The following PDE4D variants were observed in gnomAD, a reference collection of about 807,000 sequenced individuals.
The protein encoded by PDE4D is phosphodiesterase 4D.
PDE4D carries 24 observed loss-of-function variants against 87.4 expected under a neutral mutation model. The observed-to-expected ratio is 0.27, with a 90% confidence interval of 0.20 to 0.39. PDE4D has a LOEUF of 0.39. PDE4D is among the 10% of genes least tolerant of loss of function. PDE4D has a pLI of 1.00. For missense variants in PDE4D, 714 were observed against 1,041.0 expected, an observed-to-expected ratio of 0.69 and a Z score of 4.32; for synonymous variants, 384 against 383.2, an observed-to-expected ratio of 1.00 and a Z score of -0.02.
chr5:59,976,160 T>C (rs1217646891), intron 3 of PDE4D, among the ~76,000 whole-genome samples: 1 of 152,186 alleles, frequency 6.6e-6, no homozygotes, highest in Non-Finnish European at 1.5e-5. Flanking sequence ...GACTAATGCA[T>C]GATTGAGGGG....
At chr5:60,042,857 G>C (rs1768684908) in intron 2 of PDE4D, among the ~76,000 whole-genome samples, 1 of 152,116 alleles carries the variant, frequency 6.6e-6, no homozygotes, top group South Asian at 2.1e-4. Flanking sequence ...AGTGCAAAAA[G>C]TCTTAAAATT....
intron 3 of PDE4D, among the ~76,000 whole-genome samples, chr5:59,946,377 G>A (rs16890385): frequency 0.018 from 2,729 of 152,272 alleles, 82 homozygotes; most frequent in African/African-American, 0.063. Flanking sequence ...AATTATTACA[G>A]GGAGGTCGGG....
chr5:59,049,076 C>A (rs1301788678), intron 5 of PDE4D, among the ~76,000 whole-genome samples: 4 of 152,196 alleles, frequency 2.6e-5, no homozygotes, highest in Non-Finnish European at 4.4e-5. Context: ...CAATACCTTT[C>A]CCTTTTATTT....
intron 5 of PDE4D, among the ~76,000 whole-genome samples, chr5:59,141,295 A>G (rs549323150): frequency 6.6e-6 from 1 of 152,350 alleles, no homozygotes; most frequent in African/African-American, 2.4e-5. Context: ...AATTAGTTGT[A>G]CTAAGAGTTT....
chr5:59,575,824 G>GA (rs1366658351), intron 1 of PDE4D, among the ~76,000 whole-genome samples: 1 of 152,150 alleles, frequency 6.6e-6, no homozygotes, highest in Non-Finnish European at 1.5e-5. Flanking sequence ...GTCATAAACA[G>GA]AAAATCCATC....
At chr5:59,960,418 G>A in intron 3 of PDE4D, among the ~76,000 whole-genome samples, 1 of 152,080 alleles carries the variant, frequency 6.6e-6, no homozygotes, top group East Asian at 1.9e-4. Context: ...GTTTATCACA[G>A]CACTATTTAC....
chr5:59,706,807 A>C (rs2150485840), intron 1 of PDE4D, among the ~76,000 whole-genome samples: 1 of 152,336 alleles, frequency 6.6e-6, no homozygotes, highest in South Asian at 2.1e-4. Flanking sequence ...CCTTATGCAC[A>C]CATATATACA....
At chr5:59,224,224 G>A (rs255579) in intron 1 of PDE4D, among the ~76,000 whole-genome samples, 18,101 of 150,796 alleles carry the variant, frequency 0.12, 1,173 homozygotes, top group South Asian at 0.14. Context: ...TGAGGCTTCA[G>A]TGAGTCTAAA....
At chr5:59,692,206 A>T (rs1247523309) in intron 1 of PDE4D, among the ~76,000 whole-genome samples, 1 of 152,148 alleles carries the variant, frequency 6.6e-6, no homozygotes, top group African/African-American at 2.4e-5. Context: ...ACATAGGAAG[A>T]CTTGAGAACC....
intron 1 of PDE4D, among the ~76,000 whole-genome samples, chr5:60,233,184 CACACACACACAT>C (rs1233118726): frequency 6.7e-6 from 1 of 148,720 alleles, no homozygotes; most frequent in Non-Finnish European, 1.5e-5. Flanking sequence ...CGTTGTCACA[CACACACACACAT>C]ACACACACAC....
chr5:59,496,667 T>C (rs946060430), intron 1 of PDE4D, among the ~76,000 whole-genome samples: 2 of 151,682 alleles, frequency 1.3e-5, no homozygotes, highest in African/African-American at 4.8e-5. Context: ...GGGTCAAAGG[T>C]TGGGTCAAAG....
intron 5 of PDE4D, among the ~76,000 whole-genome samples, chr5:59,171,990 T>C (rs1401757404): frequency 6.5e-5 from 5 of 77,070 alleles, no homozygotes; most frequent in Non-Finnish European, 1.1e-4. Flanking sequence ...AATAAATATA[T>C]ATTATATATA....
rs150744860 is a variant in PDE4D at position 59,194,706 on chromosome 5, A to C, written c.648-1170T>G. On this transcript the variant is annotated intron_variant, in intron 2 of 14. Transcript: ENST00000340635. ...CAAGGGGCACCTGCTCTTTGTAGAG[A>C]TTATTCATAGAACTCTAGAACTCTA... Among the ~76,000 whole-genome samples, 1,143 of 152,302 alleles carry C rather than the reference A, an allele frequency of 7.5e-3. 11 individuals carry two copies. Among genetic ancestry groups the C allele is most frequent in the African/African-American group, 0.026 (1,098 of 41,574 alleles).
chr5:60,434,711 C>T (rs1355333572), intron 1 of PDE4D, among the ~76,000 whole-genome samples: 6 of 152,056 alleles, frequency 3.9e-5, no homozygotes, highest in African/African-American at 7.2e-5. Flanking sequence ...TCCTAAATCT[C>T]TCTGATTCCA....
intron 2 of PDE4D, among the ~76,000 whole-genome samples, chr5:59,203,739 C>A (rs766902321): frequency 5.9e-5 from 9 of 152,030 alleles, no homozygotes; most frequent in Non-Finnish European, 1.3e-4. Context: ...ATAAGCCAGG[C>A]AAGAAAGATA....
At chr5:59,662,416 C>T (rs867818414) in intron 1 of PDE4D, among the ~76,000 whole-genome samples, 7 of 152,308 alleles carry the variant, frequency 4.6e-5, no homozygotes, top group Middle Eastern at 3.4e-3. Flanking sequence ...TTATCTGTAA[C>T]CTTATTTGCA....
chr5:59,312,887 T>C (rs1272957613), intron 1 of PDE4D, among the ~76,000 whole-genome samples: 1 of 152,080 alleles, frequency 6.6e-6, no homozygotes, highest in South Asian at 2.1e-4. Context: ...TCCAGGTAAC[T>C]GCCACTGATG....
chr5:59,882,107 T>C (rs1451353621), intron 1 of PDE4D, among the ~76,000 whole-genome samples: 2 of 152,230 alleles, frequency 1.3e-5, no homozygotes, highest in Non-Finnish European at 2.9e-5. Flanking sequence ...TCTGAGTTAA[T>C]ATAAGTATGG....
intron 1 of PDE4D, among the ~76,000 whole-genome samples, chr5:59,800,986 A>T (rs1581170711): frequency 2.0e-5 from 3 of 152,046 alleles, no homozygotes; most frequent in African/African-American, 4.8e-5. Context: ...CATTTTTTTA[A>T]TTTTTTTTCA....
Sources: allele counts gnomAD v4.1 joint callset (sites outside exome capture counted in the v4.1 genomes callset), GRCh38; gene constraint gnomAD v4.1.1; transcripts MANE v1.5; gene names NCBI Gene and HGNC (gene_info 2026-07-23, HGNC 2026-07-21).